BLACAT1: variants seen among roughly 807,000 people sequenced by gnomAD.
The protein encoded by BLACAT1 is bladder cancer associated transcript 1.
At chr1:205,444,974 G>A (rs1666358813) in intron 1 of BLACAT1, among the ~76,000 whole-genome samples, 1 of 151,278 alleles carries the variant, frequency 6.6e-6, no homozygotes, top group South Asian at 2.1e-4. Context: ...ACAAAGCTGA[G>A]CCCTCCGCCC....
chr1:205,455,782 T>C (rs1181037427), intron 1 of BLACAT1, 135 bp downstream of exon 1: 1 of 151,956 alleles, frequency 6.6e-6, no homozygotes, highest in African/African-American at 2.4e-5. Context: ...GCCCATGCCT[T>C]AGGGACCCCT....
At chr1:205,436,568 T>C (rs960322154), downstream of BLACAT1, 3 of 152,044 alleles carry the variant, frequency 2.0e-5, no homozygotes, top group African/African-American at 7.3e-5. Context: ...GTCAGCAATA[T>C]GGACTTGGGG....
chr1:205,447,357 T>C (rs1327240033), intron 1 of BLACAT1, among the ~76,000 whole-genome samples: 2 of 152,072 alleles, frequency 1.3e-5, no homozygotes, highest in Admixed American at 6.5e-5. Context: ...TAAGTGTTGG[T>C]TGGTGAAATT....
chr1:205,435,825 A>T (rs922940774), downstream of BLACAT1: 1 of 152,124 alleles, frequency 6.6e-6, no homozygotes, highest in African/African-American at 2.4e-5. Context: ...CAGGTAGAAA[A>T]CCAAAGGCTC....
In BLACAT1 at chr1:205,441,984, T is replaced by G. The variant is rs573298162; in HGVS notation, c.-36-922A>C. 3.3e-5 allele frequency among the ~76,000 whole-genome samples: 5 copies of G among 152,300 alleles called. No individual in the cohort carries two copies. Among genetic ancestry groups the G allele is most frequent in the Non-Finnish European group, 4.4e-5 (3 of 68,018 alleles). The stretch of plus-strand genomic sequence containing the variant: ...CAGCTTCAGTCTGCAAGAGTATCCC[T>G]TTCTCCAAAGGCTCATTTAGGTTTC... On this transcript the variant is annotated intron_variant, in intron 1 of 1. Coordinates refer to ENST00000629624, the Ensembl canonical transcript of BLACAT1. This position sits in a 1 kb window ranked among gnomAD's most constrained non-coding sequence, Gnocchi z 4.3.
chr1:205,438,775 C>T (rs1176167035), downstream of BLACAT1, among the ~76,000 whole-genome samples: 5 of 152,044 alleles, frequency 3.3e-5, no homozygotes, highest in African/African-American at 1.2e-4. Context: ...GTTCCCAAAG[C>T]CAGGGCTCAA....
intron 1 of BLACAT1, among the ~76,000 whole-genome samples, chr1:205,447,496 C>A (rs1013043618): frequency 6.6e-6 from 1 of 152,028 alleles, no homozygotes; most frequent in East Asian, 1.9e-4. Context: ...AGGCGGGGTA[C>A]GAGGATGCTT....
At chr1:205,446,203 TCTCC>T (rs1167118259) in intron 1 of BLACAT1, among the ~76,000 whole-genome samples, 2 of 152,198 alleles carry the variant, frequency 1.3e-5, no homozygotes, top group African/African-American at 2.4e-5. Flanking sequence ...TCACATATCT[TCTCC>T]AGGCCTGTCC....
At chr1:205,454,793 C>G (rs528957167) in intron 1 of BLACAT1, among the ~76,000 whole-genome samples, 14 of 152,016 alleles carry the variant, frequency 9.2e-5, no homozygotes, top group Non-Finnish European at 1.8e-4. Flanking sequence ...AAAGAGCTGA[C>G]TTTTCCTCCA....
rs1666444070 is a variant in BLACAT1, at chr1:205,448,621, G to GTCC, written c.-37+7293_-37+7295dup. Among the ~76,000 whole-genome samples the GTCC allele has an allele frequency of 6.6e-6, 1 of 152,004 alleles. No individual in the cohort carries two copies. The highest frequency in any genetic ancestry group is 2.1e-4 in the South Asian group (1 of 4,818). On this transcript the variant is annotated intron_variant, in intron 1 of 1. Coordinates refer to ENST00000629624, the Ensembl canonical transcript of BLACAT1. The surrounding 1 kb of genome is among the most constrained non-coding windows in gnomAD (Gnocchi z 4.7). ...TGCCCTACAAAGGCCTCACACAATG[G>GTCC]TCCTCACTCCAGGGTATGAGGAGGG...
intron 1 of BLACAT1, among the ~76,000 whole-genome samples, chr1:205,447,071 C>T (rs2102474038): frequency 6.6e-6 from 1 of 152,322 alleles, no homozygotes; most frequent in South Asian, 2.1e-4. Context: ...TACAGCACTC[C>T]CTGGTTTTCA....
At chr1:205,439,775 G>C (rs6657330), downstream of BLACAT1, among the ~76,000 whole-genome samples, 39,165 of 152,074 alleles carry the variant, frequency 0.26, 5,766 homozygotes, top group African/African-American at 0.4. Context: ...GCTGGCATTC[G>C]TCTCTGCCTG....
rs1191124650 is a variant in BLACAT1, at chr1:205,441,325, G to C, written c.-36-263C>G. Among the ~76,000 whole-genome samples, 1 of 152,176 alleles carries C rather than the reference G, an allele frequency of 6.6e-6. No homozygotes were observed. Among genetic ancestry groups the C allele is most frequent in the African/African-American group, 2.4e-5 (1 of 41,434 alleles). The stretch of plus-strand genomic sequence containing the variant: ...CAGGGTGAGTCCAAGGGAGGAAAGA[G>C]AATGCCCAGCTGCTGCCTCCTTTTT... On this transcript the variant is annotated intron_variant, in intron 1 of 1. Coordinates refer to ENST00000629624, the Ensembl canonical transcript of BLACAT1. This position sits in a 1 kb window ranked among gnomAD's most constrained non-coding sequence, Gnocchi z 4.3.
At chr1:205,452,524 T>C (rs1041243919) in intron 1 of BLACAT1, among the ~76,000 whole-genome samples, 7 of 152,200 alleles carry the variant, frequency 4.6e-5, no homozygotes, top group African/African-American at 1.7e-4. Context: ...CAGCCACTTC[T>C]CAGACCCACT....
intron 1 of BLACAT1, among the ~76,000 whole-genome samples, chr1:205,454,472 G>T (rs1232722890): frequency 6.6e-6 from 1 of 151,948 alleles, no homozygotes; most frequent in Non-Finnish European, 1.5e-5. Flanking sequence ...AATGGGAGGG[G>T]CCCTGAGTCT....
intron 1 of BLACAT1, among the ~76,000 whole-genome samples, chr1:205,445,027 T>C (rs1470048683): frequency 1.3e-5 from 2 of 152,114 alleles, no homozygotes; most frequent in East Asian, 3.9e-4. Context: ...AATTAAAATA[T>C]GAATTCACCT....
Position 205,447,914 on chromosome 1 carries a change from A to C in BLACAT1, c.-36-6852T>G, listed in dbSNP as rs142262791. Among the ~76,000 whole-genome samples, 743 of 152,300 alleles carry C rather than the reference A, an allele frequency of 4.9e-3. 6 individuals carry two copies. Among genetic ancestry groups the C allele is most frequent in the African/African-American group, 0.017 (709 of 41,558 alleles). On this transcript the variant is annotated intron_variant, in intron 1 of 1. Coordinates refer to ENST00000629624, the Ensembl canonical transcript of BLACAT1. ...CTGACCTCAGAGAAAGGAGTGAAGG[A>C]GTGAGGTTTTCCTGGAGGCACTGAG...
chr1:205,446,316 C>T (rs1036560737), intron 1 of BLACAT1, among the ~76,000 whole-genome samples: 3 of 152,222 alleles, frequency 2.0e-5, no homozygotes, highest in East Asian at 1.9e-4. Flanking sequence ...AGGACTGTCT[C>T]GGGTGAGTTG....
chr1:205,436,712 G>C (rs112476983), downstream of BLACAT1: 1 of 152,180 alleles, frequency 6.6e-6, no homozygotes, highest in African/African-American at 2.4e-5. Context: ...CTGTCAGCTT[G>C]ATCACCTGCT....
Sources: gnomAD v4.1 joint callset for allele counts (sites outside exome capture counted in the v4.1 genomes callset) on GRCh38, gnomAD v4.1.1 for gene constraint, Gnocchi (gnomAD v3.1) non-coding constraint, MANE v1.5 for transcripts, NCBI Gene and HGNC (gene_info 2026-07-23, HGNC 2026-07-21) for gene names.